The following WDPCP variants were observed in gnomAD, a reference collection of about 807,000 sequenced individuals.
WDPCP encodes the protein WD repeat containing planar cell polarity effector.
A neutral mutation model predicts 93.1 loss-of-function variants in WDPCP; 71 were observed. That is an observed-to-expected ratio of 0.76 (90% CI 0.63 to 0.93). The LOEUF (loss-of-function observed/expected upper bound fraction) is 0.93, where lower values mean the gene tolerates loss of function less well. Among genes scored for constraint, WDPCP ranks in the 40% least tolerant of loss-of-function variants. The probability of loss-of-function intolerance (pLI) is 0.00; values close to 1 mark genes in which losing one functional copy is unlikely to be tolerated. For missense variants in WDPCP, 844 were observed against 887.4 expected, an observed-to-expected ratio of 0.95 and a Z score of 0.62; for synonymous variants, 315 against 315.0, an observed-to-expected ratio of 1.00 and a Z score of 0.00.
chr2:63,153,347 G>A (rs1190214954), intron 16 of WDPCP, 148 bp downstream of exon 16: 21 of 563,540 alleles, frequency 3.7e-5, no homozygotes, highest in Non-Finnish European at 6.5e-5. Flanking sequence ...CAGGCAACTT[G>A]GTATTTTATA....
chr2:63,365,708 C>T (rs1690851429), intron 12 of WDPCP, among the ~76,000 whole-genome samples: 1 of 152,126 alleles, frequency 6.6e-6, no homozygotes, highest in African/African-American at 2.4e-5. Context: ...AGACAACTGC[C>T]ACAATGGCTC....
chr2:63,646,025 C>T (rs1710043982), intron 3 of WDPCP, among the ~76,000 whole-genome samples: 1 of 152,124 alleles, frequency 6.6e-6, no homozygotes, highest in Non-Finnish European at 1.5e-5. Flanking sequence ...TAAGAACTTA[C>T]TCCTACCATT....
chr2:63,550,236 CACA>C (rs1558793432), intron 1 of WDPCP, among the ~76,000 whole-genome samples: 1,412 of 13,040 alleles, frequency 0.11, 33 homozygotes, highest in East Asian at 0.42. Context: ...CACACACACA[CACA>C]CCCTTCCTCT....
chr2:63,539,431 C>T (rs1704546527), intron 1 of WDPCP, among the ~76,000 whole-genome samples: 1 of 152,188 alleles, frequency 6.6e-6, no homozygotes, highest in Admixed American at 6.5e-5. Flanking sequence ...AAATTCAACT[C>T]ATGCCCGTAA....
At chr2:63,204,757 T>C (rs1286693480) in intron 14 of WDPCP, among the ~76,000 whole-genome samples, 1 of 152,072 alleles carries the variant, frequency 6.6e-6, no homozygotes, top group East Asian at 1.9e-4. Context: ...TATTAATCCC[T>C]TGTGAGATGG....
intron 14 of WDPCP, among the ~76,000 whole-genome samples, chr2:63,211,951 A>C (rs1676852989): frequency 6.6e-6 from 1 of 152,210 alleles, no homozygotes; most frequent in Admixed American, 6.5e-5. Context: ...CAAAGCCTCC[A>C]AGAAATATGG....
chr2:63,215,147 A>G (rs1429058699), intron 14 of WDPCP, among the ~76,000 whole-genome samples: 10 of 152,224 alleles, frequency 6.6e-5, no homozygotes, highest in Non-Finnish European at 8.8e-5. Context: ...TGGAACCAAA[A>G]AAGAGCCCGC....
rs1046221635 is a variant in WDPCP, at chr2:63,332,370, C to T, written c.1749-19059G>A. Among the ~76,000 whole-genome samples the T allele has an allele frequency of 2.0e-5, 3 of 152,126 alleles. No homozygotes were observed. The South Asian group carries it at 6.2e-4, about 32-fold the overall frequency. ...TATCCAAGAGCAACACAGAAAATTT[C>T]CAGTATATCCACATCCTCCCCAGCA... On this transcript the variant is annotated intron_variant, in intron 12 of 17. Transcript: ENST00000272321.
At chr2:63,419,119 G>T (rs759783941) in intron 9 of WDPCP, among the ~76,000 whole-genome samples, 3 of 152,086 alleles carry the variant, frequency 2.0e-5, no homozygotes, top group Non-Finnish European at 4.4e-5. Context: ...CAAGGTAGTA[G>T]TTTATCCTTC....
intron 6 of WDPCP, among the ~76,000 whole-genome samples, chr2:63,460,587 A>G (rs749140007): frequency 1.3e-5 from 2 of 152,182 alleles, no homozygotes; most frequent in Non-Finnish European, 2.9e-5. Context: ...CATGTACCCC[A>G]CAAATATGTA....
At chr2:63,208,252 G>T (rs1676489798) in intron 14 of WDPCP, among the ~76,000 whole-genome samples, 2 of 152,090 alleles carry the variant, frequency 1.3e-5, no homozygotes, top group African/African-American at 4.8e-5. Context: ...ATGCTGCTTT[G>T]TATGAGATGT....
chr2:63,206,258 C>T (rs1485589651), intron 14 of WDPCP, among the ~76,000 whole-genome samples: 5 of 152,102 alleles, frequency 3.3e-5, no homozygotes, highest in African/African-American at 4.8e-5. Context: ...CATCAATATT[C>T]ATCAGAGATA....
At chr2:63,776,759 C>T (rs1159390563) in intron 2 of WDPCP, among the ~76,000 whole-genome samples, 1 of 151,384 alleles carries the variant, frequency 6.6e-6, no homozygotes, top group East Asian at 1.9e-4. Context: ...ACCACAGTGC[C>T]ATGGAGTACT....
chr2:63,428,078 T>C (rs1415091012), intron 9 of WDPCP, among the ~76,000 whole-genome samples: 1 of 151,220 alleles, frequency 6.6e-6, no homozygotes, highest in Non-Finnish European at 1.5e-5. Flanking sequence ...ATTGAATCAG[T>C]AATAAAAATC....
intron 13 of WDPCP, among the ~76,000 whole-genome samples, chr2:63,291,063 T>C (rs1684383566): frequency 6.6e-6 from 1 of 152,228 alleles, no homozygotes; most frequent in Non-Finnish European, 1.5e-5. Flanking sequence ...TTGAAATATT[T>C]TTGTTTTCTT....
At chr2:63,622,084 T>G (rs1575732008) in intron 3 of WDPCP, 3 of 761,784 alleles carry the variant, frequency 3.9e-6, no homozygotes, top group South Asian at 3.2e-5. Flanking sequence ...TTTTTTTTTT[T>G]GGAAGTTGAT....
chr2:63,733,958 T>C (rs1275526484), intron 2 of WDPCP, among the ~76,000 whole-genome samples: 1 of 152,222 alleles, frequency 6.6e-6, no homozygotes, highest in Non-Finnish European at 1.5e-5. Context: ...TTTGTCTCTA[T>C]GAATGTGCTT....
At chr2:63,427,110 T>C (rs1018121719) in intron 9 of WDPCP, among the ~76,000 whole-genome samples, 4 of 152,206 alleles carry the variant, frequency 2.6e-5, no homozygotes, top group African/African-American at 7.2e-5. Flanking sequence ...TCTTGACCTA[T>C]GTGAAAGACT....
Position 63,588,251 on chromosome 2 carries a change from C to G in WDPCP, c.21G>C (p.Trp7Cys), listed in dbSNP as rs1200911623. 16 of 1,577,238 alleles carry G rather than the reference C, an allele frequency of 1.0e-5. No individual in the cohort carries two copies. Among genetic ancestry groups the G allele is most frequent in the Non-Finnish European group, 1.4e-5 (16 of 1,159,136 alleles). The change falls in exon 1 of 18, where the codon TGG becomes TGC. Residue 7 changes from tryptophan (W) to cysteine (C), a missense_variant. Transcript: ENST00000272321. ...TCCCGGCCGCTTTGGAGTAGGCGTC[C>G]CAGCAAAACTCTCGCCTCATCACCA... is the stretch of plus-strand genomic sequence containing the variant. Reference protein sequence around the residue: MRREFCWDAYSKAAGSR... With the variant: MRREFCCDAYSKAAGSR...
Sources: gnomAD v4.1 joint callset for allele counts (sites outside exome capture counted in the v4.1 genomes callset) on GRCh38, gnomAD v4.1.1 for gene constraint, MANE v1.5 for transcripts, NCBI Gene and HGNC (gene_info 2026-07-23, HGNC 2026-07-21) for gene names.